Variants in DIP2C observed in about 807,000 individuals in gnomAD.
DIP2C encodes disco-interacting protein 2 homolog C.
In DIP2C, 33 loss-of-function variants were observed where a neutral mutation model predicts 192.4. The observed-to-expected ratio is 0.17, with a 90% CI of 0.13 to 0.23. The LOEUF (loss-of-function observed/expected upper bound fraction) is 0.23, where lower values mean the gene tolerates loss of function less well. DIP2C is among the 10% of genes least tolerant of loss of function. DIP2C has a pLI of 1.00. For missense variants in DIP2C, 1,537 were observed against 2,110.1 expected (o/e 0.73, Z 5.32); for synonymous variants, 979 against 864.1 (o/e 1.13, Z -2.33).
chr10:392,453 C>T (rs1321845977), intron 10 of DIP2C, among the ~76,000 whole-genome samples: 3 of 152,170 alleles, frequency 2.0e-5, no homozygotes, highest in Non-Finnish European at 4.4e-5. Flanking sequence ...AAGAAGATCC[C>T]AAAAAATAAG....
rs1293590846 is a variant in DIP2C, at chr10:277,582, AAGAC to A, written c.4419-9_4419-6del. 1.2e-6 allele frequency: 2 copies of A among 1,612,646 alleles called. No individual in the cohort carries two copies. The highest frequency in any genetic ancestry group is 1.7e-6 in the Non-Finnish European group (2 of 1,179,256). ...TTTGTCCAGGTAAACACAGCACTAAAAGACAGAAAAGAAAGCCATCATTATATGT... is the reference window on the plus strand; with the variant it reads ...TTTGTCCAGGTAAACACAGCACTAAAAGAAAAGAAAGCCATCATTATATGT... On this transcript the variant is annotated splice_region_variant and splice_polypyrimidine_tract_variant and intron_variant, in intron 36 of 36. Transcript: ENST00000280886.
chr10:674,828 A>AGAGAGAGAGAGAGAGACC (rs1554772178), intron 1 of DIP2C, among the ~76,000 whole-genome samples: 1 of 147,618 alleles, frequency 6.8e-6, no homozygotes, highest in African/African-American at 2.5e-5. Context: ...AGAGAGAGAG[A>AGAGAGAGAGAGAGAGACC]GACCAACACA....
rs771896590 is a variant in DIP2C at position 349,393 on chromosome 10, A to G, written c.3047T>C (p.Val1016Ala). Reference protein sequence around the residue: ...QLHKRAEKIAVMLMERGHLQD... With the variant: ...QLHKRAEKIAAMLMERGHLQD... The stretch of plus-strand genomic sequence containing the variant: ...AAGGTGGCCCCTCTCCATCAGCATC[A>G]CGGCGATCTTCTCAGCTCTCTTGTG... The change falls in exon 25 of 37, where the codon GTG (valine) becomes GCG (alanine). Residue 1016 changes from valine (V) to alanine (A), a missense_variant. Val to Ala is a moderately conservative substitution (Grantham distance 64). Around this residue, in one of 4 missense-constraint regions of DIP2C, gnomAD observed 677 missense variants for 989.9 expected, o/e 0.68. Coordinates refer to ENST00000280886, the MANE Select transcript of DIP2C (RefSeq NM_014974.3). The G allele has an allele frequency of 1.2e-6, 2 of 1,611,374 alleles. No homozygotes were observed. The highest frequency in any genetic ancestry group is 2.2e-5 in the East Asian group (1 of 44,894).
intron 32 of DIP2C, among the ~76,000 whole-genome samples, chr10:292,205 T>G (rs1367566393): frequency 6.6e-6 from 1 of 152,224 alleles, no homozygotes; most frequent in East Asian, 1.9e-4. Flanking sequence ...CCAACGTGCA[T>G]TACTGCTGCC....
At chr10:579,198 CAT>C (rs1378685457) in intron 1 of DIP2C, among the ~76,000 whole-genome samples, 10 of 152,238 alleles carry the variant, frequency 6.6e-5, no homozygotes, top group East Asian at 3.9e-4. Flanking sequence ...CATGTACATG[CAT>C]AGAGCATACA....
intron 1 of DIP2C, among the ~76,000 whole-genome samples, chr10:603,334 C>CAAA (rs1491589258): frequency 5.5e-5 from 4 of 72,768 alleles, no homozygotes; most frequent in African/African-American, 3.2e-4. Context: ...AAAAAAAAAA[C>CAAA]CAACCATGAG....
chr10:477,694 G>A lies in DIP2C; in HGVS notation c.158-5145C>T, dbSNP rs1452135077. 4.9e-5 allele frequency among the ~76,000 whole-genome samples: 7 copies of A among 141,476 alleles called. No individual in the cohort carries two copies. The Admixed American group carries it at 5.0e-4, about 10-fold the overall frequency. The allele number at this position is 141,476 out of a possible 152,430, so 92.8% of individuals were successfully genotyped here. On this transcript the variant is annotated intron_variant, in intron 2 of 36. Coordinates refer to ENST00000280886, the MANE Select transcript of DIP2C (RefSeq NM_014974.3). ...GGTGAATAGATAGGAGGAAAGCGGA[G>A]AAAAGGAAAGAATAAAGGAGAGAGA...
chr10:443,514 C>T (rs1967913365), intron 3 of DIP2C, among the ~76,000 whole-genome samples: 1 of 152,130 alleles, frequency 6.6e-6, no homozygotes, highest in Admixed American at 6.5e-5. Flanking sequence ...CACTGGGGGT[C>T]TCTGCTGCTG....
chr10:339,195 C>T (rs1047033272), intron 29 of DIP2C, among the ~76,000 whole-genome samples: 2 of 152,112 alleles, frequency 1.3e-5, no homozygotes, highest in African/African-American at 4.8e-5. Context: ...TTATTTTTAA[C>T]TTATGTATTA....
intron 1 of DIP2C, among the ~76,000 whole-genome samples, chr10:507,549 G>A (rs546317072): frequency 1.2e-4 from 19 of 152,262 alleles, no homozygotes; most frequent in Non-Finnish European, 2.1e-4. Flanking sequence ...AGAGGCGTGC[G>A]AGGTTAGGGA....
chr10:490,394 G>T (rs922186064), intron 1 of DIP2C, among the ~76,000 whole-genome samples: 1 of 152,208 alleles, frequency 6.6e-6, no homozygotes, highest in African/African-American at 2.4e-5. Flanking sequence ...GGGCCATCAC[G>T]TGTCTGTTAT....
intron 9 of DIP2C, among the ~76,000 whole-genome samples, chr10:401,702 G>A (rs1157995077): frequency 8.1e-4 from 119 of 147,396 alleles, no homozygotes; most frequent in East Asian, 6.4e-3. Flanking sequence ...CTTCCTTATG[G>A]ACAAGTTTGG....
At chr10:619,541 G>GCCCACCCTCCCACCCTCCCACCCTCCCA in intron 1 of DIP2C, among the ~76,000 whole-genome samples, 14 of 67,896 alleles carry the variant, frequency 2.1e-4, no homozygotes, top group South Asian at 5.5e-4. Flanking sequence ...CCGCCCGCCC[G>GCCCACCCTCCCACCCTCCCACCCTCCCA]CCCTCCCACC....
At chr10:561,624 C>CT (rs778521453) in intron 1 of DIP2C, among the ~76,000 whole-genome samples, 205 of 152,304 alleles carry the variant, frequency 1.3e-3, no homozygotes, top group Non-Finnish European at 2.6e-3. Flanking sequence ...CTCCAAGGCC[C>CT]TTTCCCGCCA....
At chr10:384,293 T>C in intron 15 of DIP2C, 147 bp from the exon 16 acceptor site, 1 of 1,240,268 alleles carries the variant, frequency 8.1e-7, no homozygotes, top group Non-Finnish European at 1.1e-6. Flanking sequence ...TTTTTTTTTT[T>C]TTTTTTGTGA....
Position 638,340 on chromosome 10 carries a change from C to A in DIP2C, c.85+51154G>T, listed in dbSNP as rs1588651882. On this transcript the variant is annotated intron_variant, in intron 1 of 36. Coordinates refer to ENST00000280886, the MANE Select transcript of DIP2C (RefSeq NM_014974.3). ...ATTTTTAAAATTTATGAAAAGAGCA[C>A]GCTCTATTTAGGAGAATTCTATTTA... 2.6e-5 allele frequency among the ~76,000 whole-genome samples: 4 copies of A among 152,240 alleles called. 1 individual carries two copies. In the South Asian group the frequency reaches 8.3e-4, roughly 32 times the overall value.
intron 29 of DIP2C, among the ~76,000 whole-genome samples, chr10:331,027 G>A (rs1957483539): frequency 6.8e-6 from 1 of 146,072 alleles, no homozygotes; most frequent in African/African-American, 2.6e-5. Context: ...TGTTGCCCAG[G>A]CTGGTCTCAA....
chr10:621,423 A>G (rs1275880601), intron 1 of DIP2C, among the ~76,000 whole-genome samples: 1 of 150,744 alleles, frequency 6.6e-6, no homozygotes, highest in African/African-American at 2.5e-5. Context: ...CGAGTCTGCC[A>G]ATATGAGCAC....
intron 2 of DIP2C, among the ~76,000 whole-genome samples, chr10:481,431 T>A (rs1457138419): frequency 6.6e-6 from 1 of 152,112 alleles, no homozygotes; most frequent in African/African-American, 2.4e-5. Flanking sequence ...AGGCAGCCAC[T>A]GCAAGCAACA....
Sources: gnomAD v4.1 joint callset for allele counts (sites outside exome capture counted in the v4.1 genomes callset) on GRCh38, gnomAD v4.1.1 for gene constraint, gnomAD v4.1.1 regional missense constraint, MANE v1.5 for transcripts, NCBI Gene and HGNC (gene_info 2026-07-23, HGNC 2026-07-21) for gene names.